Variants in CAST observed in about 807,000 individuals in gnomAD.
The protein encoded by CAST is calpastatin.
Under a neutral mutation model 119.6 loss-of-function variants are expected in CAST, and 76 were observed. The observed-to-expected ratio is 0.64, with a 90% CI of 0.53 to 0.77. The LOEUF (loss-of-function observed/expected upper bound fraction) is 0.77. Ranked by LOEUF, CAST falls within the 30% of genes least tolerant of loss-of-function variation. CAST has a pLI of 0.00. For missense variants in CAST, 953 were observed against 946.5 expected, an observed-to-expected ratio of 1.01 and a Z score of -0.09; for synonymous variants, 319 against 331.6, an observed-to-expected ratio of 0.96 and a Z score of 0.41.
chr5:96,649,921 T>C (rs1406086714), intron 1 of CAST, among the ~76,000 whole-genome samples: 1 of 152,206 alleles, frequency 6.6e-6, no homozygotes, highest in East Asian at 1.9e-4. Context: ...AGTCATAAAA[T>C]TTTCTCTCTG....
chr5:96,254,835 A>G, the CAST span, among the ~76,000 whole-genome samples: 1 of 152,132 alleles, frequency 6.6e-6, no homozygotes, highest in South Asian at 2.1e-4. Flanking sequence ...TGTCTTTAAG[A>G]ATTTCCCATT....
At chr5:96,440,656 A>G in the CAST span, among the ~76,000 whole-genome samples, 8 of 152,066 alleles carry the variant, frequency 5.3e-5, no homozygotes, top group Admixed American at 5.2e-4. Flanking sequence ...AGTCAGAATT[A>G]CTCAATCATT....
chr5:96,365,582 C>T, the CAST span, among the ~76,000 whole-genome samples: 4 of 152,238 alleles, frequency 2.6e-5, no homozygotes, highest in African/African-American at 9.6e-5. Flanking sequence ...TATGTAATGG[C>T]CTTCTTTGTC....
chr5:96,044,886 T>C, the CAST span, among the ~76,000 whole-genome samples: 1 of 152,186 alleles, frequency 6.6e-6, no homozygotes, highest in Admixed American at 6.5e-5. Flanking sequence ...AATATATAAT[T>C]CTATTTACAA....
the CAST span, among the ~76,000 whole-genome samples, chr5:96,488,092 A>C: frequency 6.6e-6 from 1 of 152,212 alleles, no homozygotes; most frequent in African/African-American, 2.4e-5. Flanking sequence ...TTATTAAGCA[A>C]CTTTATGCTT....
chr5:96,571,134 C>T (rs1182248486), intron 1 of CAST, among the ~76,000 whole-genome samples: 3 of 152,192 alleles, frequency 2.0e-5, no homozygotes, highest in Non-Finnish European at 4.4e-5. Flanking sequence ...CCAGACCTGT[C>T]ATCTGCAATG....
intron 1 of CAST, among the ~76,000 whole-genome samples, chr5:96,624,393 CACAA>C (rs1747680761): frequency 6.6e-6 from 1 of 152,180 alleles, no homozygotes; most frequent in Non-Finnish European, 1.5e-5. Context: ...TGTGTGCACA[CACAA>C]ACTAACATGT....
intron 1 of CAST, among the ~76,000 whole-genome samples, chr5:96,615,147 A>G (rs571356876): frequency 6.6e-6 from 1 of 152,324 alleles, no homozygotes; most frequent in South Asian, 2.1e-4. Context: ...TTATTATAAA[A>G]CAGGCTTTGT....
At chr5:96,736,298 T>C (rs1195710037) in intron 10 of CAST, 58 bp downstream of exon 10, 1 of 1,064,574 alleles carries the variant, frequency 9.4e-7, no homozygotes, top group Non-Finnish European at 1.4e-6. Context: ...TCTGTATTTA[T>C]CATAATCTGA....
intron 4 of CAST, among the ~76,000 whole-genome samples, chr5:96,723,116 TTTTGTTTG>T (rs1554086264): frequency 9.9e-5 from 15 of 151,892 alleles, no homozygotes; most frequent in African/African-American, 2.7e-4. Flanking sequence ...CTAATTGTTT[TTTTGTTTG>T]TTTGTTTGTT....
the CAST span, among the ~76,000 whole-genome samples, chr5:96,458,848 G>C: frequency 6.6e-6 from 1 of 152,044 alleles, no homozygotes; most frequent in South Asian, 2.1e-4. Flanking sequence ...TCTTTATCCA[G>C]CTCACACCCT....
the CAST span, among the ~76,000 whole-genome samples, chr5:96,087,544 T>C: frequency 1.3e-5 from 2 of 152,178 alleles, no homozygotes; most frequent in Non-Finnish European, 1.5e-5. Context: ...GAAATCCAAA[T>C]TGAGCTGAAT....
the CAST span, among the ~76,000 whole-genome samples, chr5:95,989,963 T>C: frequency 6.6e-6 from 1 of 152,110 alleles, no homozygotes; most frequent in South Asian, 2.1e-4. Context: ...TAACATGAGT[T>C]CTTTATTAGA....
chr5:96,376,614 T>C, the CAST span, among the ~76,000 whole-genome samples: 3 of 152,024 alleles, frequency 2.0e-5, no homozygotes, highest in African/African-American at 2.4e-5. Context: ...TTAATTTTTG[T>C]ATGTTAACTA....
At chr5:96,324,028 A>G in the CAST span, among the ~76,000 whole-genome samples, 1 of 152,134 alleles carries the variant, frequency 6.6e-6, no homozygotes, top group Non-Finnish European at 1.5e-5. Flanking sequence ...AGGACATGAA[A>G]TTCCAAAAAT....
rs754529767 is a variant in CAST, at chr5:96,561,800, T to TTTTG, written c.60+31923_60+31924insGTTT. On this transcript the variant is annotated intron_variant, in intron 1 of 11. Coordinates refer to the CAST transcript ENST00000505143. ...ATTATATATATGTTTTTTTTTGTTTTTTTTTTTTTTGAGACGGAGTCTCGC... is the reference window on the plus strand; with the variant it reads ...ATTATATATATGTTTTTTTTTGTTTTTTTGTTTTTTTTTTGAGACGGAGTCTCGC... 1.0e-4 allele frequency among the ~76,000 whole-genome samples: 10 copies of TTTTG among 98,908 alleles called. No individual in the cohort carries two copies. The East Asian group carries it at 1.8e-3, about 17-fold the overall frequency. The allele number at this position is 98,908 out of a possible 152,430, so 64.9% of individuals were successfully genotyped here.
At chr5:96,424,371 G>A in the CAST span, among the ~76,000 whole-genome samples, 1 of 152,114 alleles carries the variant, frequency 6.6e-6, no homozygotes, top group African/African-American at 2.4e-5. Context: ...AGAGAAGAAG[G>A]CCTCTATGTC....
the CAST span, among the ~76,000 whole-genome samples, chr5:96,029,200 C>T: frequency 2.6e-5 from 4 of 152,136 alleles, no homozygotes; most frequent in Middle Eastern, 3.4e-3. Flanking sequence ...AAATTCAAAA[C>T]GTACAATAGC....
At chr5:96,267,783 C>T in the CAST span, among the ~76,000 whole-genome samples, 1 of 152,166 alleles carries the variant, frequency 6.6e-6, no homozygotes, top group East Asian at 1.9e-4. Context: ...ACCCAGAATA[C>T]TCTACTGCTG....
Sources: gnomAD v4.1 joint callset for allele counts (sites outside exome capture counted in the v4.1 genomes callset) on GRCh38, gnomAD v4.1.1 for gene constraint, MANE v1.5 for transcripts, NCBI Gene and HGNC (gene_info 2026-07-23, HGNC 2026-07-21) for gene names.